GALNT13: variants seen among roughly 807,000 people sequenced by gnomAD.
The protein encoded by GALNT13 is UDP-GalNAc:polypeptide N-acetylgalactosaminyltransferase 13.
GALNT13 carries 28 observed loss-of-function variants against 64.2 expected under a neutral mutation model. The observed-to-expected ratio is 0.44, with a 90% CI of 0.32 to 0.60. The LOEUF (loss-of-function observed/expected upper bound fraction) is 0.60, where lower values mean the gene tolerates loss of function less well. Among genes scored for constraint, GALNT13 ranks in the 20% least tolerant of loss-of-function variants. The pLI is 0.05. For synonymous variants in GALNT13, 214 were observed against 224.6 expected (o/e 0.95, Z 0.42); for missense variants, 577 against 669.8 (o/e 0.86, Z 1.53).
intron 4 of GALNT13, among the ~76,000 whole-genome samples, chr2:154,161,071 A>C (rs1236241001): frequency 6.6e-6 from 1 of 152,180 alleles, no homozygotes; most frequent in East Asian, 1.9e-4. Flanking sequence ...TCAGGAATTG[A>C]ACAAATCTCT....
chr2:153,414,674 CAAGT>C, the GALNT13 span, among the ~76,000 whole-genome samples: 3 of 151,962 alleles, frequency 2.0e-5, no homozygotes, highest in Admixed American at 6.6e-5. Flanking sequence ...GAGACTTTAA[CAAGT>C]AAGAGATTAA....
the GALNT13 span, among the ~76,000 whole-genome samples, chr2:153,434,399 C>T: frequency 2.2e-4 from 34 of 152,288 alleles, 1 homozygote; most frequent in South Asian, 6.0e-3. Context: ...CCTGAGGAAT[C>T]GCCACACCGA....
intron 3 of GALNT13, among the ~76,000 whole-genome samples, chr2:154,085,939 AG>A (rs1701500523): frequency 6.6e-6 from 1 of 151,808 alleles, no homozygotes; most frequent in African/African-American, 2.4e-5. Flanking sequence ...AAAAAAATAA[AG>A]TATGTTGTAA....
chr2:153,068,862 C>T, the GALNT13 span, among the ~76,000 whole-genome samples: 1 of 152,116 alleles, frequency 6.6e-6, no homozygotes, highest in South Asian at 2.1e-4. Flanking sequence ...TAATGTCCTG[C>T]CTTCTCCTCC....
chr2:153,526,371 C>T, the GALNT13 span, among the ~76,000 whole-genome samples: 3 of 152,218 alleles, frequency 2.0e-5, no homozygotes, highest in Non-Finnish European at 4.4e-5. Context: ...ACTCCATTTG[C>T]TTGGGAGAAA....
chr2:153,501,937 GC>G, the GALNT13 span, among the ~76,000 whole-genome samples: 1 of 151,980 alleles, frequency 6.6e-6, no homozygotes, highest in Non-Finnish European at 1.5e-5. Context: ...AATACTTCTG[GC>G]TTTTGAACTC....
At chr2:153,994,834 G>A (rs187720536) in intron 3 of GALNT13, among the ~76,000 whole-genome samples, 4 of 152,008 alleles carry the variant, frequency 2.6e-5, no homozygotes, top group Admixed American at 6.6e-5. Flanking sequence ...TTTCAGATGA[G>A]TAGATTGCAA....
At chr2:153,869,648 G>A (rs923106343), upstream of GALNT13, among the ~76,000 whole-genome samples, 3 of 152,020 alleles carry the variant, frequency 2.0e-5, no homozygotes, top group Admixed American at 6.6e-5. Flanking sequence ...TTTAACCTTG[G>A]TCAGTTGGTT....
intron 1 of GALNT13, among the ~76,000 whole-genome samples, chr2:153,875,082 T>G (rs1686265643): frequency 6.7e-6 from 1 of 148,726 alleles, no homozygotes; most frequent in Admixed American, 6.8e-5. Flanking sequence ...TCACTTACCC[T>G]AAATAATTTA....
intron 9 of GALNT13, among the ~76,000 whole-genome samples, chr2:154,365,308 C>A (rs796280005): frequency 6.6e-6 from 1 of 152,144 alleles, no homozygotes; most frequent in Admixed American, 6.5e-5. Flanking sequence ...GATTTTCATA[C>A]AACTAATTCC....
chr2:153,987,537 C>G (rs1220068388), intron 3 of GALNT13, among the ~76,000 whole-genome samples: 2 of 151,774 alleles, frequency 1.3e-5, no homozygotes, highest in African/African-American at 4.8e-5. Context: ...TAAATGTTCC[C>G]ATAGTAAAGC....
chr2:153,562,225 G>T, the GALNT13 span, among the ~76,000 whole-genome samples: 1 of 152,024 alleles, frequency 6.6e-6, no homozygotes. Flanking sequence ...AGTGTGTACT[G>T]AAGGCCTGTG....
the GALNT13 span, among the ~76,000 whole-genome samples, chr2:153,437,648 C>T: frequency 6.6e-6 from 1 of 152,080 alleles, no homozygotes; most frequent in Non-Finnish European, 1.5e-5. Context: ...AGGATTGCAA[C>T]CCCTGCTTTT....
At chr2:153,355,851 A>G in the GALNT13 span, among the ~76,000 whole-genome samples, 93,140 of 152,068 alleles carry the variant, frequency 0.61, 29,336 homozygotes, top group Middle Eastern at 0.73. Context: ...AGTAAATGTT[A>G]TAAAACGCAT....
chr2:154,193,135 G>C (rs949681951), intron 4 of GALNT13, among the ~76,000 whole-genome samples: 2 of 152,114 alleles, frequency 1.3e-5, no homozygotes. Flanking sequence ...TTCTGCTCAG[G>C]ATAAGAGTAC....
chr2:153,710,223 CA>C, the GALNT13 span, among the ~76,000 whole-genome samples: 1 of 151,970 alleles, frequency 6.6e-6, no homozygotes, highest in Non-Finnish European at 1.5e-5. Flanking sequence ...AAAATCAACA[CA>C]TAACTTCGTA....
At chr2:154,228,107 A>T (rs550224527) in intron 4 of GALNT13, among the ~76,000 whole-genome samples, 244 of 152,288 alleles carry the variant, frequency 1.6e-3, no homozygotes, top group African/African-American at 5.1e-3. Context: ...GATTCTTATG[A>T]TTCAGATGAT....
chr2:153,992,244 C>T (rs1695205065), intron 3 of GALNT13, among the ~76,000 whole-genome samples: 1 of 152,026 alleles, frequency 6.6e-6, no homozygotes. Flanking sequence ...ATTAGAAATG[C>T]AATGGTAATT....
intron 3 of GALNT13, among the ~76,000 whole-genome samples, chr2:154,026,481 G>T (rs1177584280): frequency 1.3e-5 from 2 of 152,118 alleles, no homozygotes; most frequent in Admixed American, 6.5e-5. Context: ...CACAGACTGG[G>T]TGGTATAAAC....
Sources: allele counts gnomAD v4.1 joint callset (sites outside exome capture counted in the v4.1 genomes callset), GRCh38; gene constraint gnomAD v4.1.1; transcripts MANE v1.5; gene names NCBI Gene and HGNC (gene_info 2026-07-23, HGNC 2026-07-21).